GSK3B: variants seen among roughly 807,000 people sequenced by gnomAD.
GSK3B encodes glycogen synthase kinase 3 beta.
GSK3B carries 15 observed loss-of-function variants against 56.4 expected under a neutral mutation model. The observed-to-expected ratio is 0.27, with a 90% CI of 0.18 to 0.41. The LOEUF (loss-of-function observed/expected upper bound fraction) is 0.41, where lower values mean the gene tolerates loss of function less well. Ranked by LOEUF, GSK3B falls within the 10% of genes least tolerant of loss-of-function variation. The probability of loss-of-function intolerance (pLI) is 1.00; values close to 1 mark genes in which losing one functional copy is unlikely to be tolerated. For synonymous variants in GSK3B, 181 were observed against 188.9 expected, an observed-to-expected ratio of 0.96 and a Z score of 0.34; for missense variants, 300 against 513.4, an observed-to-expected ratio of 0.58 and a Z score of 4.02.
chr3:120,043,110 C>T (rs181086441), intron 1 of GSK3B, among the ~76,000 whole-genome samples: 9 of 152,290 alleles, frequency 5.9e-5, no homozygotes, highest in African/African-American at 2.2e-4. Flanking sequence ...CCATTAATAA[C>T]AGCCTGGGGA....
intron 10 of GSK3B, 75 bp from the exon 11 acceptor site, chr3:119,826,930 A>G: frequency 3.3e-6 from 3 of 906,440 alleles, no homozygotes; most frequent in Non-Finnish European, 5.4e-6. Flanking sequence ...CACTGTTTCA[A>G]CTGCAGGCTG....
intron 2 of GSK3B, among the ~76,000 whole-genome samples, chr3:119,996,033 T>G (rs992689546): frequency 6.6e-6 from 1 of 152,180 alleles, no homozygotes; most frequent in African/African-American, 2.4e-5. Flanking sequence ...CCACCACTCC[T>G]GGCCTAAGCC....
At chr3:119,870,694 A>G (rs2056240009) in intron 8 of GSK3B, among the ~76,000 whole-genome samples, 1 of 152,216 alleles carries the variant, frequency 6.6e-6, no homozygotes, top group Non-Finnish European at 1.5e-5. Context: ...TAGCAATAAT[A>G]AGGATGTGGG....
At position 119,875,156 on chromosome 3, in the gene GSK3B, G is replaced by C. The variant is rs1016387897; in HGVS notation, c.909+1257C>G. On this transcript the variant is annotated intron_variant, in intron 8 of 10. Coordinates refer to ENST00000264235, the MANE Select transcript of GSK3B (RefSeq NM_001146156.2). ...AGTAAAAGTTACAACCTATAATTCT[G>C]GCACTAAAATACTATTGAGGTCTTT... Among the ~76,000 whole-genome samples the C allele has an allele frequency of 5.3e-5, 8 of 152,054 alleles. No homozygotes were observed. In the South Asian group the frequency reaches 1.7e-3, roughly 32 times the overall value.
intron 1 of GSK3B, among the ~76,000 whole-genome samples, chr3:120,059,041 A>C (rs1440814333): frequency 6.6e-6 from 1 of 151,754 alleles, no homozygotes; most frequent in Non-Finnish European, 1.5e-5. Flanking sequence ...GCATGTCAAG[A>C]GTGTAAGATA....
chr3:120,024,456 AACT>A (rs1205302229), intron 1 of GSK3B, among the ~76,000 whole-genome samples: 7 of 152,308 alleles, frequency 4.6e-5, no homozygotes, highest in African/African-American at 1.7e-4. Flanking sequence ...CAGCCTAGTT[AACT>A]ACTAATTTTC....
chr3:120,001,324 G>A (rs143705620), intron 2 of GSK3B, among the ~76,000 whole-genome samples: 13 of 152,196 alleles, frequency 8.5e-5, no homozygotes, highest in Middle Eastern at 3.4e-3. Context: ...CTGAGCTCAG[G>A]AGATTGAGAC....
chr3:120,084,878 T>C (rs893265490), intron 1 of GSK3B, among the ~76,000 whole-genome samples: 1 of 152,222 alleles, frequency 6.6e-6, no homozygotes, highest in Non-Finnish European at 1.5e-5. Flanking sequence ...AAAATAGCAA[T>C]TTTCTAGAGT....
At chr3:119,962,448 A>C (rs2057281700) in intron 2 of GSK3B, among the ~76,000 whole-genome samples, 1 of 152,070 alleles carries the variant, frequency 6.6e-6, no homozygotes, top group Non-Finnish European at 1.5e-5. Context: ...ACAGTGAAAA[A>C]CAGAAAACTT....
chr3:119,952,958 T>C (rs550907753), intron 2 of GSK3B, among the ~76,000 whole-genome samples: 1 of 152,052 alleles, frequency 6.6e-6, no homozygotes, highest in Non-Finnish European at 1.5e-5. Flanking sequence ...TAAAAGACTA[T>C]AGATATATTT....
intron 3 of GSK3B, among the ~76,000 whole-genome samples, chr3:119,932,065 A>G (rs1005409455): frequency 1.3e-5 from 2 of 152,236 alleles, no homozygotes; most frequent in African/African-American, 4.8e-5. Context: ...TGGAAAACAC[A>G]TTAGTATGAT....
intron 4 of GSK3B, among the ~76,000 whole-genome samples, chr3:119,922,275 A>AAGGAAGGAAGGAAGGG (rs1202734045): frequency 2.7e-4 from 38 of 142,334 alleles, no homozygotes; most frequent in African/African-American, 7.3e-4. Flanking sequence ...GGAAGGAAGG[A>AAGGAAGGAAGGAAGGG]AGGGAGGAGG....
chr3:119,936,043 A>G (rs1467097233), intron 3 of GSK3B, among the ~76,000 whole-genome samples: 2 of 152,048 alleles, frequency 1.3e-5, no homozygotes, highest in Non-Finnish European at 2.9e-5. Flanking sequence ...TTTCATAAAA[A>G]TGCTTCAACA....
intron 1 of GSK3B, among the ~76,000 whole-genome samples, 153 bp from the exon 2 acceptor site, chr3:120,002,392 G>A (rs1266929143): frequency 1.3e-5 from 2 of 150,204 alleles, no homozygotes; most frequent in African/African-American, 2.5e-5. Flanking sequence ...AGGCTGTTGT[G>A]CAGTCACACA....
chr3:120,081,995 C>G (rs11710397), intron 1 of GSK3B, among the ~76,000 whole-genome samples: 48 of 152,192 alleles, frequency 3.2e-4, no homozygotes, highest in Non-Finnish European at 5.6e-4. Flanking sequence ...AGAATATTTG[C>G]ATCGAAAAAA....
rs111905083 is a variant in GSK3B at position 119,864,517 on chromosome 3, A to C, written c.910-912T>G. ...CTTTGAAATTAAAGAAAAATGAAAC[A>C]TATATCCCTCGACAGGAAGAACATA... On this transcript the variant is annotated intron_variant, in intron 8 of 10. Transcript: ENST00000264235. Among the ~76,000 whole-genome samples the C allele has an allele frequency of 7.4e-3, 1,127 of 152,368 alleles. 15 individuals are homozygous for C. Among genetic ancestry groups the C allele is most frequent in the African/African-American group, 0.025 (1,039 of 41,588 alleles).
intron 3 of GSK3B, 131 bp from the exon 4 acceptor site, chr3:119,923,614 T>G: frequency 2.2e-6 from 1 of 454,272 alleles, no homozygotes; most frequent in Non-Finnish European, 3.9e-6. Context: ...CACTTTTAAT[T>G]ATATAAAATT....
intron 8 of GSK3B, among the ~76,000 whole-genome samples, chr3:119,864,659 G>A (rs945240625): frequency 6.6e-6 from 1 of 152,252 alleles, no homozygotes; most frequent in South Asian, 2.1e-4. Context: ...GCATGGAGCA[G>A]CCTGGAAGGC....
intron 3 of GSK3B, among the ~76,000 whole-genome samples, chr3:119,946,179 T>C (rs1196356068): frequency 6.6e-6 from 1 of 152,142 alleles, no homozygotes; most frequent in African/African-American, 2.4e-5. Context: ...CATGTGTATA[T>C]ACACAACAAT....
Sources: allele counts gnomAD v4.1 joint callset (sites outside exome capture counted in the v4.1 genomes callset), GRCh38; gene constraint gnomAD v4.1.1; transcripts MANE v1.5; gene names NCBI Gene and HGNC (gene_info 2026-07-23, HGNC 2026-07-21).